IDE: variants seen among roughly 807,000 people sequenced by gnomAD.
IDE encodes insulin degrading enzyme.
In IDE, 58 loss-of-function variants were observed where a neutral mutation model predicts 133.2. That is an observed-to-expected ratio of 0.44 (90% CI 0.35 to 0.54). The LOEUF is 0.54. Ranked by LOEUF, IDE falls within the 20% of genes least tolerant of loss-of-function variation. The probability of loss-of-function intolerance (pLI) is 0.00; values close to 1 mark genes in which losing one functional copy is unlikely to be tolerated. For synonymous variants in IDE, 396 were observed against 421.3 expected (o/e 0.94, Z 0.73); for missense variants, 981 against 1,234.0 (o/e 0.79, Z 3.07).
intron 11 of IDE, among the ~76,000 whole-genome samples, chr10:92,495,219 T>C (rs1847613970): frequency 7.0e-6 from 1 of 141,920 alleles, no homozygotes; most frequent in African/African-American, 2.6e-5. Context: ...CACTCGGCTT[T>C]TTTTTTTTTT....
At chr10:92,547,401 T>C (rs2135741518) in intron 1 of IDE, among the ~76,000 whole-genome samples, 1 of 152,138 alleles carries the variant, frequency 6.6e-6, no homozygotes, top group East Asian at 1.9e-4. Flanking sequence ...TAAAGATCAA[T>C]TCAAATCACA....
chr10:92,508,182 C>T lies in IDE; in HGVS notation c.1084G>A (p.Gly362Arg). ...SKGWVNTLVG[G>R]QKEGARGFMF... Reference sequence around the variant, plus strand: ...AAACCTCGGGCTCCTTCCTTCTGCCCACCAACAAGAGTATTAACCCAGCCT... The same window carrying T: ...AAACCTCGGGCTCCTTCCTTCTGCCTACCAACAAGAGTATTAACCCAGCCT... Residue 362 changes from glycine (G) to arginine (R), a missense_variant, in exon 8 of 25, where the codon GGG becomes AGG. Gly to Arg is a moderately radical substitution (Grantham distance 125, BLOSUM62 -2). Transcript: ENST00000265986. 1 of 1,613,820 alleles carries T rather than the reference C, an allele frequency of 6.2e-7. No homozygotes were observed. Among genetic ancestry groups the T allele is most frequent in the Non-Finnish European group, 8.5e-7 (1 of 1,179,832 alleles).
chr10:92,484,974 T>C (rs1846882539), intron 13 of IDE, among the ~76,000 whole-genome samples: 1 of 151,806 alleles, frequency 6.6e-6, no homozygotes, highest in Non-Finnish European at 1.5e-5. Context: ...GTGGATCACT[T>C]TAGCCCAGGA....
chr10:92,569,650 G>GA, intron 1 of IDE, among the ~76,000 whole-genome samples: 2 of 151,930 alleles, frequency 1.3e-5, no homozygotes, highest in East Asian at 3.9e-4. Context: ...AAGCTAAACT[G>GA]AAAAAATGAT....
At chr10:92,479,517 T>C (rs1846478395) in intron 14 of IDE, 96 bp from the exon 15 acceptor site, 2 of 892,284 alleles carry the variant, frequency 2.2e-6, no homozygotes, top group Non-Finnish European at 3.6e-6. Context: ...CACCGGTTAA[T>C]ATGATTTCCT....
chr10:92,462,253 G>A (rs1845431020), intron 21 of IDE, among the ~76,000 whole-genome samples: 1 of 150,934 alleles, frequency 6.6e-6, no homozygotes, highest in African/African-American at 2.4e-5. Flanking sequence ...GGGAAGCAGA[G>A]GTTGCAGTGA....
At chr10:92,504,096 T>C (rs1848171558) in intron 11 of IDE, among the ~76,000 whole-genome samples, 1 of 152,094 alleles carries the variant, frequency 6.6e-6, no homozygotes, top group Admixed American at 6.6e-5. Flanking sequence ...CCAAAAAACT[T>C]ACTCAATAAC....
intron 1 of IDE, among the ~76,000 whole-genome samples, chr10:92,572,055 A>G (rs77110660): frequency 4.0e-4 from 61 of 152,314 alleles, no homozygotes; most frequent in African/African-American, 1.5e-3. Flanking sequence ...TTATGCTTTG[A>G]ATCTCTCAAA....
chr10:92,553,538 G>T (rs138251119), intron 1 of IDE, among the ~76,000 whole-genome samples: 2 of 151,638 alleles, frequency 1.3e-5, no homozygotes, highest in African/African-American at 4.8e-5. Context: ...GCCAGACAAG[G>T]ACATTACAAG....
chr10:92,553,769 C>T (rs781086431), intron 1 of IDE, among the ~76,000 whole-genome samples: 10 of 152,064 alleles, frequency 6.6e-5, no homozygotes, highest in Non-Finnish European at 1.0e-4. Context: ...ATACAACCTA[C>T]CAAGATTGAA....
intron 1 of IDE, among the ~76,000 whole-genome samples, chr10:92,562,144 C>T (rs767002512): frequency 2.6e-5 from 4 of 152,184 alleles, no homozygotes; most frequent in Non-Finnish European, 5.9e-5. Flanking sequence ...AGGAACTGAA[C>T]TCTCAGGATT....
chr10:92,540,823 C>G (rs898910478), intron 1 of IDE, among the ~76,000 whole-genome samples: 1 of 152,076 alleles, frequency 6.6e-6, no homozygotes, highest in Admixed American at 6.5e-5. Context: ...ACACTCTGTA[C>G]TTTTTTTCAG....
chr10:92,541,007 G>A (rs1290261508), intron 1 of IDE, among the ~76,000 whole-genome samples: 1 of 152,120 alleles, frequency 6.6e-6, no homozygotes, highest in Non-Finnish European at 1.5e-5. Flanking sequence ...CTGAAGTTGT[G>A]CTGGATTAAT....
intron 11 of IDE, among the ~76,000 whole-genome samples, chr10:92,493,627 T>C (rs905827548): frequency 4.0e-5 from 6 of 150,904 alleles, no homozygotes; most frequent in Non-Finnish European, 5.9e-5. Context: ...ACTCATCAAG[T>C]ACAGTCCTTA....
intron 14 of IDE, among the ~76,000 whole-genome samples, chr10:92,483,022 C>T (rs1439358584): frequency 3.9e-5 from 6 of 152,088 alleles, no homozygotes; most frequent in African/African-American, 9.7e-5. Flanking sequence ...CCTCATGATC[C>T]GCCCGCCTCA....
Position 92,508,763 on chromosome 10 carries a change from C to T in IDE, c.1025G>A (p.Gly342Asp). The T allele has an allele frequency of 1.2e-6, 2 of 1,614,040 alleles. No homozygotes were observed. The highest frequency in any genetic ancestry group is 1.7e-6 in the Non-Finnish European group (2 of 1,179,980). ...HYLGHLIGHE[G>D]PGSLLSELKS... ...AAGTTCTGATAACAGACTTCCAGGA[C>T]CTTCATGCCCAATGAGATGACCAAG... The change falls in exon 7 of 25, where the codon GGT (glycine) becomes GAT (aspartate). Residue 342 changes from glycine to aspartate, a missense_variant. By Grantham distance (94) the Gly-to-Asp change is moderately conservative. Around this residue, in one of 2 missense-constraint regions of IDE, gnomAD observed 660 missense variants for 894.7 expected, o/e 0.74. Coordinates refer to ENST00000265986, the MANE Select transcript of IDE (RefSeq NM_004969.4).
intron 1 of IDE, among the ~76,000 whole-genome samples, chr10:92,567,730 T>G (rs1201275097): frequency 6.6e-6 from 1 of 152,130 alleles, no homozygotes; most frequent in Non-Finnish European, 1.5e-5. Flanking sequence ...TCACAGCACT[T>G]TGGGAGGCAG....
intron 4 of IDE, among the ~76,000 whole-genome samples, chr10:92,527,061 T>C (rs1849663777): frequency 6.6e-6 from 1 of 152,084 alleles, no homozygotes; most frequent in Non-Finnish European, 1.5e-5. Flanking sequence ...TTCATCTCTA[T>C]CTTCATGGGT....
At chr10:92,481,019 C>G (rs566866303) in intron 14 of IDE, 2 of 404,196 alleles carry the variant, frequency 4.9e-6, no homozygotes, top group Non-Finnish European at 6.7e-6. Flanking sequence ...ACTGGAAAAT[C>G]TGAATAAATG....
Sources: allele counts gnomAD v4.1 joint callset (sites outside exome capture counted in the v4.1 genomes callset), GRCh38; gene constraint gnomAD v4.1.1; regional missense constraint gnomAD v4.1.1; transcripts MANE v1.5; gene names NCBI Gene and HGNC (gene_info 2026-07-23, HGNC 2026-07-21).